Variants in PCBP3 observed in about 807,000 individuals in gnomAD.
The protein encoded by PCBP3 is poly(rC)-binding protein 3.
PCBP3 carries 25 observed loss-of-function variants against 52.7 expected under a neutral mutation model. That is an observed-to-expected ratio of 0.47 (90% CI 0.35 to 0.66). The LOEUF is 0.66. PCBP3 is among the 30% of genes least tolerant of loss of function. The pLI is 0.01. For synonymous variants in PCBP3, 162 were observed against 183.0 expected (o/e 0.89, Z 0.93); for missense variants, 391 against 490.3 (o/e 0.80, Z 1.91).
In PCBP3 at chr21:45,803,553, G is replaced by T. The variant is rs542856749; in HGVS notation, c.-125-46408G>T. Reference sequence around the variant, plus strand: ...TGTTAGGTCGGGAAAAAGCCGTGGTGGTTTTATACTGCCAGTGCCGGGAGC... The same window carrying T: ...TGTTAGGTCGGGAAAAAGCCGTGGTTGTTTTATACTGCCAGTGCCGGGAGC... On this transcript the variant is annotated intron_variant, in intron 4 of 17. Coordinates refer to ENST00000681687, the MANE Select transcript of PCBP3 (RefSeq NM_001384156.1). Among the ~76,000 whole-genome samples the T allele has an allele frequency of 1.4e-4, 22 of 152,254 alleles. No individual in the cohort carries two copies. The South Asian group carries it at 3.9e-3, about 27-fold the overall frequency.
At position 45,853,233 on chromosome 21, in the gene PCBP3, G is replaced by A. The variant is rs777357298; in HGVS notation, c.10+3138G>A. On this transcript the variant is annotated intron_variant, in intron 5 of 17. Coordinates refer to ENST00000681687, the MANE Select transcript of PCBP3 (RefSeq NM_001384156.1). The surrounding 1 kb of genome is among the most constrained non-coding windows in gnomAD (Gnocchi z 4.6). ...ACACAGCATCTCCTTGTTGTGCTCCGTGGATGTCGGGGTGGAAGGTGACCT... is the reference window on the plus strand; with the variant it reads ...ACACAGCATCTCCTTGTTGTGCTCCATGGATGTCGGGGTGGAAGGTGACCT... Among the ~76,000 whole-genome samples, 8 of 152,194 alleles carry A rather than the reference G, an allele frequency of 5.3e-5. No homozygotes were observed. Among genetic ancestry groups the A allele is most frequent in the Admixed American group, 2.0e-4 (3 of 15,286 alleles).
intron 5 of PCBP3, among the ~76,000 whole-genome samples, chr21:45,851,095 G>T (rs71324450): frequency 0.057 from 8,701 of 152,256 alleles, 287 homozygotes; most frequent in Middle Eastern, 0.082. Flanking sequence ...TGAAAAAAGA[G>T]CAAGAGAGAA....
intron 2 of PCBP3, among the ~76,000 whole-genome samples, chr21:45,676,717 G>T (rs1041383971): frequency 7.9e-5 from 12 of 152,004 alleles, no homozygotes; most frequent in African/African-American, 2.9e-4. Flanking sequence ...TAACCCTTCA[G>T]TGGCCTCTAC....
intron 5 of PCBP3, among the ~76,000 whole-genome samples, chr21:45,893,568 G>A (rs1275154419): frequency 2.0e-5 from 1 of 48,958 alleles, no homozygotes; most frequent in East Asian, 4.1e-4. Flanking sequence ...CTGGGCAAGT[G>A]CAGACAGTGG....
At chr21:45,738,257 G>GT (rs1272471500) in intron 3 of PCBP3, among the ~76,000 whole-genome samples, 8,992 of 139,890 alleles carry the variant, frequency 0.064, 792 homozygotes, top group African/African-American at 0.19. Context: ...GCTTCTTAGA[G>GT]TTTTTTTTTT....
intron 15 of PCBP3, among the ~76,000 whole-genome samples, chr21:45,932,084 G>A (rs963329079): frequency 6.6e-6 from 1 of 152,104 alleles, no homozygotes; most frequent in Non-Finnish European, 1.5e-5. Flanking sequence ...CCTGGGCCAT[G>A]CCATCCTGAA....
At chr21:45,785,355 C>T (rs894848448) in intron 4 of PCBP3, among the ~76,000 whole-genome samples, 27 of 150,978 alleles carry the variant, frequency 1.8e-4, no homozygotes, top group African/African-American at 3.6e-4. Flanking sequence ...GTCAGCCCCC[C>T]GCCCGGCCAG....
At chr21:45,926,207 C>G (rs572947982) in intron 13 of PCBP3, among the ~76,000 whole-genome samples, 1 of 152,194 alleles carries the variant, frequency 6.6e-6, no homozygotes, top group Admixed American at 6.5e-5. Flanking sequence ...GCCTGGTGAC[C>G]TTGCAGCTGA....
intron 2 of PCBP3, among the ~76,000 whole-genome samples, chr21:45,732,386 A>G (rs1285731519): frequency 2.0e-5 from 3 of 152,066 alleles, no homozygotes; most frequent in East Asian, 1.9e-4. Flanking sequence ...TAACATACCC[A>G]TCATCTCACA....
At chr21:45,701,303 G>A (rs2083109196) in intron 2 of PCBP3, among the ~76,000 whole-genome samples, 1 of 152,056 alleles carries the variant, frequency 6.6e-6, no homozygotes, top group Non-Finnish European at 1.5e-5. Context: ...TACTTCAGTG[G>A]GTCTCCATGG....
rs1052322502 is a variant in PCBP3 at position 45,817,348 on chromosome 21, T to G, written c.-125-32613T>G. Among the ~76,000 whole-genome samples, 19 of 152,176 alleles carry G rather than the reference T, an allele frequency of 1.2e-4. No homozygotes were observed. The highest frequency in any genetic ancestry group is 4.6e-4 in the African/African-American group (19 of 41,440). ...CCCGCCTCGTGGTACCACATGACAT[T>G]TAGCGTGTCTGTTCACCTCATACTC... On this transcript the variant is annotated intron_variant, in intron 4 of 17. Coordinates refer to ENST00000681687, the MANE Select transcript of PCBP3 (RefSeq NM_001384156.1). The surrounding 1 kb of genome is among the most constrained non-coding windows in gnomAD (Gnocchi z 4.3).
At chr21:45,855,544 T>TA (rs2094250476) in intron 5 of PCBP3, among the ~76,000 whole-genome samples, 1 of 152,184 alleles carries the variant, frequency 6.6e-6, no homozygotes, top group Non-Finnish European at 1.5e-5. Flanking sequence ...CAGAGCCCCT[T>TA]AGAGTTGAAG....
intron 4 of PCBP3, among the ~76,000 whole-genome samples, chr21:45,778,887 C>T (rs1188695693): frequency 6.6e-6 from 1 of 152,152 alleles, no homozygotes. Context: ...GGAGCAGCTG[C>T]ACTGATCCCT....
intron 4 of PCBP3, chr21:45,761,395 ACTGT>A (rs1269972509): frequency 6.6e-6 from 1 of 151,768 alleles, no homozygotes; most frequent in Non-Finnish European, 1.5e-5. Flanking sequence ...TCATCTTCTC[ACTGT>A]CTCTTTGCTC....
At chr21:45,811,270 A>C (rs937570226) in intron 4 of PCBP3, among the ~76,000 whole-genome samples, 67 of 152,234 alleles carry the variant, frequency 4.4e-4, no homozygotes, top group African/African-American at 1.6e-3. Context: ...CGACAGCAGG[A>C]GGCCCCACTG....
rs181922963 is a variant in PCBP3 at position 45,910,602 on chromosome 21, C to T, written c.472-300C>T. On this transcript the variant is annotated intron_variant, in intron 10 of 17. Coordinates refer to ENST00000681687, the MANE Select transcript of PCBP3 (RefSeq NM_001384156.1). ...AAACTCCACAGAGGAGAGAGGATTCCGTGTATTTGAAAAGAGTCGTTTGTC... is the reference window on the plus strand; with the variant it reads ...AAACTCCACAGAGGAGAGAGGATTCTGTGTATTTGAAAAGAGTCGTTTGTC... Among the ~76,000 whole-genome samples the T allele has an allele frequency of 3.2e-3, 492 of 152,274 alleles. 1 individual carries two copies. Among genetic ancestry groups the T allele is most frequent in the Non-Finnish European group, 5.5e-3 (371 of 67,996 alleles).
chr21:45,675,546 C>T (rs2081411555), intron 2 of PCBP3, among the ~76,000 whole-genome samples: 1 of 152,210 alleles, frequency 6.6e-6, no homozygotes, highest in Non-Finnish European at 1.5e-5. Flanking sequence ...GTGGTTCTTA[C>T]TCCTGGTTGG....
At chr21:45,828,149 A>G (rs965798224) in intron 4 of PCBP3, 1 of 152,300 alleles carries the variant, frequency 6.6e-6, no homozygotes, top group African/African-American at 2.4e-5. Flanking sequence ...CCAACTGGCC[A>G]AGACTTCAGG....
chr21:45,677,685 A>C (rs1359663342), intron 2 of PCBP3, among the ~76,000 whole-genome samples: 1 of 152,224 alleles, frequency 6.6e-6, no homozygotes, highest in Non-Finnish European at 1.5e-5. Context: ...GTTAGGGCCT[A>C]ATGCAGCTGA....
Sources: gnomAD v4.1 joint callset for allele counts (sites outside exome capture counted in the v4.1 genomes callset) on GRCh38, gnomAD v4.1.1 for gene constraint, Gnocchi (gnomAD v3.1) non-coding constraint, MANE v1.5 for transcripts, NCBI Gene and HGNC (gene_info 2026-07-23, HGNC 2026-07-21) for gene names.